Variants in LTBP1 observed in about 807,000 individuals in gnomAD.
LTBP1 encodes latent transforming growth factor beta binding protein 1, also known as latent-transforming growth factor beta-binding protein 1.
A neutral mutation model predicts 207.6 loss-of-function variants in LTBP1; 129 were observed. The observed-to-expected ratio is 0.62, with a 90% CI of 0.54 to 0.72. LTBP1 has a LOEUF of 0.72. Ranked by LOEUF, LTBP1 falls within the 30% of genes least tolerant of loss-of-function variation. The pLI, the probability that LTBP1 is intolerant of heterozygous loss-of-function variation, is 0.00. For missense variants in LTBP1, 2,281 were observed against 2,217.2 expected (o/e 1.03, Z -0.58); for synonymous variants, 963 against 833.7 (o/e 1.16, Z -2.67).
chr2:33,250,737 C>T (rs2092660022), intron 10 of LTBP1, among the ~76,000 whole-genome samples: 1 of 152,134 alleles, frequency 6.6e-6, no homozygotes, highest in South Asian at 2.1e-4. Context: ...CCCACACACA[C>T]CTTCTGAGTC....
intron 5 of LTBP1, among the ~76,000 whole-genome samples, chr2:33,135,769 A>G (rs1470938488): frequency 6.6e-6 from 1 of 152,244 alleles, no homozygotes; most frequent in Non-Finnish European, 1.5e-5. Flanking sequence ...CATGCAATAC[A>G]GTATTTTTGT....
chr2:32,985,285 G>T (rs546061205), intron 2 of LTBP1, among the ~76,000 whole-genome samples: 1 of 152,252 alleles, frequency 6.6e-6, no homozygotes, highest in East Asian at 1.9e-4. Context: ...AGCTCTTGAT[G>T]TTGCCAGGCT....
At chr2:33,021,238 A>G in intron 3 of LTBP1, 32 bp downstream of exon 3, 1 of 1,543,076 alleles carries the variant, frequency 6.5e-7, no homozygotes, top group Non-Finnish European at 8.8e-7. Context: ...TTAGCTAAGG[A>G]TCATCTTAAT....
intron 21 of LTBP1, among the ~76,000 whole-genome samples, chr2:33,301,140 A>G (rs1459446084): frequency 6.6e-6 from 1 of 152,202 alleles, no homozygotes; most frequent in African/African-American, 2.4e-5. Context: ...TTAAAGAAAC[A>G]TTTCATTGAA....
At position 33,002,056 on chromosome 2, in the gene LTBP1, A is replaced by G; in HGVS notation, c.566-18853A>G. Among the ~76,000 whole-genome samples, 2 of 134,320 alleles carry G rather than the reference A, an allele frequency of 1.5e-5. 1 individual carries two copies. The highest frequency in any genetic ancestry group is 7.6e-4 in the East Asian group (2 of 2,634). The allele number at this position is 134,320 out of a possible 152,430, so 88.1% of individuals were successfully genotyped here. ...TAGGTCAGAGGCCTTCAAAGCTTTG[A>G]TCAAATACAACACCAGTCACTGTTG... On this transcript the variant is annotated intron_variant, in intron 2 of 33. Transcript: ENST00000404816.
chr2:33,367,260 G>A lies in LTBP1; in HGVS notation c.4711+1757G>A, dbSNP rs374894716. Among the ~76,000 whole-genome samples, 62 of 152,060 alleles carry A rather than the reference G, an allele frequency of 4.1e-4. No homozygotes were observed. In the South Asian group the frequency reaches 0.011, roughly 28 times the overall value. On this transcript the variant is annotated intron_variant, in intron 31 of 33. Transcript: ENST00000404816. ...AATTATGACATATAACAATGTCCAC[G>A]GGTTATTTTTCCCAATTTTTAACAT...
At chr2:33,236,785 A>G (rs1432988259) in intron 9 of LTBP1, among the ~76,000 whole-genome samples, 2 of 152,252 alleles carry the variant, frequency 1.3e-5, no homozygotes, top group Non-Finnish European at 2.9e-5. Context: ...GACTACAGTC[A>G]TGAATCCAAG....
In LTBP1 at chr2:33,065,565, GA is replaced by G. The variant is rs367546891; in HGVS notation, c.863+44370del. Among the ~76,000 whole-genome samples, 204 of 146,752 alleles carry G rather than the reference GA, an allele frequency of 1.4e-3. 1 individual carries two copies. Among genetic ancestry groups the G allele is most frequent in the African/African-American group, 3.1e-3 (126 of 40,048 alleles). On this transcript the variant is annotated intron_variant, in intron 3 of 33. Transcript: ENST00000404816. ...ACCTTGTCACCCTGTTTCTCTACAG[GA>G]AAAAAAAAAATCCCACTTTGTCAGG...
chr2:33,245,016 T>C (rs1398524279), intron 10 of LTBP1, among the ~76,000 whole-genome samples: 1 of 152,124 alleles, frequency 6.6e-6, no homozygotes, highest in Non-Finnish European at 1.5e-5. Flanking sequence ...GTAGCTGGGA[T>C]TATGGGCATG....
intron 22 of LTBP1, 142 bp from the exon 23 acceptor site, chr2:33,309,292 A>G: frequency 1.7e-6 from 1 of 582,516 alleles, no homozygotes; most frequent in Non-Finnish European, 2.7e-6. Context: ...AAAAAAAAAA[A>G]AAAAAGTTAA....
intron 4 of LTBP1, among the ~76,000 whole-genome samples, chr2:33,126,976 G>C (rs116604605): frequency 0.012 from 1,844 of 152,338 alleles, 20 homozygotes; most frequent in African/African-American, 0.015. Flanking sequence ...TTGAATCCAT[G>C]AAACTTGAGA....
chr2:33,210,331 G>C (rs557112844), intron 7 of LTBP1, among the ~76,000 whole-genome samples: 2 of 152,220 alleles, frequency 1.3e-5, no homozygotes, highest in East Asian at 3.9e-4. Flanking sequence ...TGTTATTCCT[G>C]ATTATGTTTA....
chr2:33,280,835 G>A (rs1397867222), intron 19 of LTBP1, among the ~76,000 whole-genome samples: 8 of 152,124 alleles, frequency 5.3e-5, no homozygotes, highest in East Asian at 1.9e-4. Flanking sequence ...TTGGAAGGCC[G>A]AGGCACGAGG....
intron 2 of LTBP1, among the ~76,000 whole-genome samples, chr2:32,956,860 A>G (rs1449184671): frequency 6.6e-6 from 1 of 152,226 alleles, no homozygotes; most frequent in Non-Finnish European, 1.5e-5. Flanking sequence ...TACAGAATGG[A>G]TGATATTTTA....
At chr2:32,999,948 T>G (rs1685850115) in intron 2 of LTBP1, among the ~76,000 whole-genome samples, 1 of 134,650 alleles carries the variant, frequency 7.4e-6, no homozygotes, top group Non-Finnish European at 1.6e-5. Flanking sequence ...CAGGCCACAG[T>G]GCTTCTCACA....
At chr2:33,361,879 CA>C (rs2094931237) in intron 28 of LTBP1, among the ~76,000 whole-genome samples, 2 of 152,102 alleles carry the variant, frequency 1.3e-5, no homozygotes, top group African/African-American at 2.4e-5. Flanking sequence ...GAAATCATAT[CA>C]ATTATGATCA....
chr2:32,966,559 A>G (rs1374340268), intron 2 of LTBP1, among the ~76,000 whole-genome samples: 1 of 152,066 alleles, frequency 6.6e-6, no homozygotes. Context: ...ATTCCCTTCT[A>G]TTCCTGGTTT....
chr2:33,177,813 G>A (rs2086211992), intron 5 of LTBP1, among the ~76,000 whole-genome samples: 1 of 152,228 alleles, frequency 6.6e-6, no homozygotes, highest in Admixed American at 6.5e-5. Flanking sequence ...ATACCTGTAT[G>A]AAGGCTGTGT....
At chr2:33,262,117 A>T (rs1412054131) in intron 13 of LTBP1, among the ~76,000 whole-genome samples, 1 of 152,172 alleles carries the variant, frequency 6.6e-6, no homozygotes, top group African/African-American at 2.4e-5. Context: ...AAAATGTGTG[A>T]TGAAGCCCCA....
Sources: gnomAD v4.1 joint callset for allele counts (sites outside exome capture counted in the v4.1 genomes callset) on GRCh38, gnomAD v4.1.1 for gene constraint, MANE v1.5 for transcripts, NCBI Gene and HGNC (gene_info 2026-07-23, HGNC 2026-07-21) for gene names.